Variants in C3orf70 observed in about 807,000 individuals in gnomAD.
C3orf70 encodes UPF0524 protein C3orf70.
A neutral mutation model predicts 20.7 loss-of-function variants in C3orf70; 15 were observed. That is an observed-to-expected ratio of 0.72 (90% CI 0.48 to 1.11). C3orf70 has a LOEUF of 1.11. C3orf70 is among the 50% of genes most tolerant of loss of function. The pLI, the probability that C3orf70 is intolerant of heterozygous loss-of-function variation, is 0.00. For synonymous variants in C3orf70, 161 were observed against 125.7 expected (o/e 1.28, Z -1.88); for missense variants, 332 against 317.6 (o/e 1.05, Z -0.34).
chr3:185,086,600 C>G (rs946767908), intron 1 of C3orf70, among the ~76,000 whole-genome samples: 3 of 152,198 alleles, frequency 2.0e-5, no homozygotes, highest in Non-Finnish European at 2.9e-5. Flanking sequence ...GTGAGAAATA[C>G]ACGTTTGTTG....
At chr3:185,105,692 C>T (rs1715919009) in intron 1 of C3orf70, among the ~76,000 whole-genome samples, 1 of 152,146 alleles carries the variant, frequency 6.6e-6, no homozygotes, top group African/African-American at 2.4e-5. Flanking sequence ...TTAGGGTCTC[C>T]CCAACCGAGC....
Position 185,082,000 on chromosome 3 carries a change from AATTT to A in C3orf70, c.*1003_*1006del, listed in dbSNP as rs1290876993. 6.6e-6 allele frequency: 1 copy of A among 152,148 alleles called. No individual in the cohort carries two copies. Among genetic ancestry groups the A allele is most frequent in the African/African-American group, 2.4e-5 (1 of 41,416 alleles). The allele number at this position is 152,148 out of a possible 1,614,324, so 9.4% of individuals were successfully genotyped here. A position where few individuals can be genotyped will look rare whatever the true frequency, so the allele number is the denominator to read the frequency against. ...CATTTCCATGCTAACTAAAACTATT[AATTT>A]ATTTTTTTTCCTTAAGATGTCAGAT... On this transcript the variant is annotated 3_prime_UTR_variant, in exon 2 of 2. Transcript: ENST00000335012.
At position 185,127,387 on chromosome 3, in the gene C3orf70, T is replaced by C. The variant is rs1716432793; in HGVS notation, c.196+25241A>G. Among the ~76,000 whole-genome samples the C allele has an allele frequency of 1.3e-5, 2 of 152,178 alleles. 1 individual carries two copies. The highest frequency in any genetic ancestry group is 4.1e-4 in the South Asian group (2 of 4,820). On this transcript the variant is annotated intron_variant, in intron 1 of 1. Coordinates refer to ENST00000335012, the MANE Select transcript of C3orf70 (RefSeq NM_001025266.3). ...TCTAACTCCCTGAGAAGATATATGG[T>C]ATAGATTAGCTTGAAGAAAGGAACT...
intron 1 of C3orf70, among the ~76,000 whole-genome samples, chr3:185,120,670 T>C (rs1445844607): frequency 1.4e-5 from 2 of 139,190 alleles, no homozygotes; most frequent in Non-Finnish European, 3.1e-5. Flanking sequence ...AAAACCACAA[T>C]GCAATACCAC....
chr3:185,090,541 T>G (rs1715544320), intron 1 of C3orf70, among the ~76,000 whole-genome samples: 1 of 152,138 alleles, frequency 6.6e-6, no homozygotes, highest in Admixed American at 6.6e-5. Context: ...GAAAGGTAAA[T>G]CTACTGAAAA....
Position 185,083,032 on chromosome 3 carries a change from A to T in C3orf70, c.728T>A (p.Ile243Asn). 1.2e-6 allele frequency: 2 copies of T among 1,613,992 alleles called. No individual in the cohort carries two copies. The highest frequency in any genetic ancestry group is 1.7e-6 in the Non-Finnish European group (2 of 1,179,970). ...TCACACAGTCGTTTCTATCGTTTCA[A>T]TCACTTCCAGGTCAGACTGCGAGGG... ...LSPSQSDLEV[I>N]ETIETTV The change falls in exon 2 of 2, where the codon ATT becomes AAT. Residue 243 changes from isoleucine to asparagine, a missense_variant. Coordinates refer to ENST00000335012, the MANE Select transcript of C3orf70 (RefSeq NM_001025266.3).
At chr3:185,146,031 G>T (rs1011721433) in intron 1 of C3orf70, among the ~76,000 whole-genome samples, 2 of 151,720 alleles carry the variant, frequency 1.3e-5, no homozygotes, top group African/African-American at 4.8e-5. Context: ...CTCTATCTCT[G>T]GAAGAACCTA....
At chr3:185,086,338 C>T (rs924130987) in intron 1 of C3orf70, among the ~76,000 whole-genome samples, 2 of 152,036 alleles carry the variant, frequency 1.3e-5, no homozygotes, top group African/African-American at 4.8e-5. Context: ...TGTTTGTATC[C>T]CCACGAACTT....
chr3:185,128,745 G>A (rs186582294), intron 1 of C3orf70, among the ~76,000 whole-genome samples: 2 of 152,232 alleles, frequency 1.3e-5, no homozygotes, highest in African/African-American at 4.8e-5. Flanking sequence ...GTAGAATGGG[G>A]GACCCAGCAC....
intron 1 of C3orf70, among the ~76,000 whole-genome samples, chr3:185,134,176 C>CT (rs1394552032): frequency 1.3e-5 from 2 of 151,040 alleles, no homozygotes; most frequent in African/African-American, 2.4e-5. Context: ...ACAAATGAAA[C>CT]TTTTTTAGTA....
Position 185,117,418 on chromosome 3 carries a change from T to TACAC in C3orf70, c.197-33859_197-33856dup, listed in dbSNP as rs141665642. ...TCTCACCATTTGTGTACCACACACA[T>TACAC]ACACACACACACACACACACACACA... On this transcript the variant is annotated intron_variant, in intron 1 of 1. Transcript: ENST00000335012. Among the ~76,000 whole-genome samples the TACAC allele has an allele frequency of 1.4e-3, 191 of 135,210 alleles. 1 individual carries two copies. The highest frequency in any genetic ancestry group is 2.7e-3 in the East Asian group (13 of 4,792). The allele number at this position is 135,210 out of a possible 152,430, so 88.7% of individuals were successfully genotyped here.
intron 1 of C3orf70, among the ~76,000 whole-genome samples, chr3:185,119,109 A>G (rs1167076273): frequency 6.6e-6 from 1 of 152,236 alleles, no homozygotes; most frequent in Non-Finnish European, 1.5e-5. Flanking sequence ...AATTAAAACA[A>G]TATCAGGATG....
At chr3:185,122,075 G>A (rs9837580) in intron 1 of C3orf70, among the ~76,000 whole-genome samples, 7,174 of 149,356 alleles carry the variant, frequency 0.048, 603 homozygotes, top group African/African-American at 0.17. Flanking sequence ...CTCCAGCCTG[G>A]GTGACAGAGC....
chr3:185,103,186 A>G (rs1215890319), intron 1 of C3orf70, among the ~76,000 whole-genome samples: 1 of 152,216 alleles, frequency 6.6e-6, no homozygotes, highest in Non-Finnish European at 1.5e-5. Context: ...CGGAGGTTGC[A>G]GTGAACAGAG....
At chr3:185,086,378 G>A (rs2108586715) in intron 1 of C3orf70, among the ~76,000 whole-genome samples, 1 of 152,234 alleles carries the variant, frequency 6.6e-6, no homozygotes, top group Non-Finnish European at 1.5e-5. Context: ...CCAGTGTGAT[G>A]GTATTTGGGG....
At chr3:185,105,591 C>G (rs1404301260) in intron 1 of C3orf70, among the ~76,000 whole-genome samples, 1 of 152,188 alleles carries the variant, frequency 6.6e-6, no homozygotes, top group East Asian at 1.9e-4. Context: ...CTGTTTGGGG[C>G]TCTCAGCTCT....
At chr3:185,084,243 T>C (rs1255376059) in intron 1 of C3orf70, among the ~76,000 whole-genome samples, 4 of 152,126 alleles carry the variant, frequency 2.6e-5, no homozygotes. Context: ...TAATTCCATG[T>C]TTATCTCTAA....
At chr3:185,085,640 C>T (rs576395770) in intron 1 of C3orf70, among the ~76,000 whole-genome samples, 2 of 149,324 alleles carry the variant, frequency 1.3e-5, no homozygotes, top group South Asian at 2.1e-4. Flanking sequence ...ATATACCAGG[C>T]GTCTTCATTT....
chr3:185,103,757 AGCCTGGGGAAAACTCAG>A (rs1715869073), intron 1 of C3orf70, among the ~76,000 whole-genome samples: 1 of 152,204 alleles, frequency 6.6e-6, no homozygotes, highest in South Asian at 2.1e-4. Flanking sequence ...AAAATAGAGC[AGCCTGGGGAAAACTCAG>A]GCTGCACCTG....
Sources: gnomAD v4.1 joint callset for allele counts (sites outside exome capture counted in the v4.1 genomes callset) on GRCh38, gnomAD v4.1.1 for gene constraint, MANE v1.5 for transcripts, NCBI Gene and HGNC (gene_info 2026-07-23, HGNC 2026-07-21) for gene names.